XPNPEP1: variants seen among roughly 807,000 people sequenced by gnomAD.
XPNPEP1 encodes the protein xaa-Pro aminopeptidase 1.
In XPNPEP1, 39 loss-of-function variants were observed where a neutral mutation model predicts 92.4. The ratio of observed to expected loss-of-function variants is 0.42; its 90% CI spans 0.33 to 0.55. The LOEUF is 0.55. Among genes scored for constraint, XPNPEP1 ranks in the 20% least tolerant of loss-of-function variants. XPNPEP1 has a pLI of 0.08. For synonymous variants in XPNPEP1, 307 were observed against 299.4 expected (o/e 1.03, Z -0.26); for missense variants, 654 against 856.1 (o/e 0.76, Z 2.95).
At chr10:109,877,673 C>T (rs1296255163) in intron 14 of XPNPEP1, 117 bp downstream of exon 14, 2 of 1,248,762 alleles carry the variant, frequency 1.6e-6, no homozygotes, top group Non-Finnish European at 2.3e-6. Flanking sequence ...ATTTTACAGT[C>T]TCAACAGACA....
At chr10:109,888,698 T>A (rs1015347644) in intron 5 of XPNPEP1, 103 bp from the exon 6 acceptor site, 2 of 872,058 alleles carry the variant, frequency 2.3e-6, no homozygotes, top group Non-Finnish European at 1.6e-6. Flanking sequence ...AGGGTCTTTA[T>A]TAAGCAGCTT....
chr10:109,888,647 T>A, intron 5 of XPNPEP1, 52 bp from the exon 6 acceptor site: 2 of 1,410,592 alleles, frequency 1.4e-6, no homozygotes, highest in Non-Finnish European at 1.9e-6. Flanking sequence ...CCACGCTCAT[T>A]ATCCCACCAG....
intron 5 of XPNPEP1, among the ~76,000 whole-genome samples, chr10:109,890,840 G>A (rs991939609): frequency 2.0e-5 from 3 of 152,184 alleles, no homozygotes; most frequent in Non-Finnish European, 4.4e-5. Flanking sequence ...CTGGCTGCCT[G>A]GATCTCAAGG....
intron 3 of XPNPEP1, among the ~76,000 whole-genome samples, chr10:109,896,391 AC>A (rs918049163): frequency 2.8e-4 from 37 of 133,758 alleles, no homozygotes; most frequent in Admixed American, 2.3e-3. Flanking sequence ...CAATCCTCCC[AC>A]CTCAATCTTC....
intron 2 of XPNPEP1, among the ~76,000 whole-genome samples, chr10:109,912,215 T>C (rs966865238): frequency 6.6e-6 from 1 of 152,166 alleles, no homozygotes; most frequent in Non-Finnish European, 1.5e-5. Context: ...CACTCAACAC[T>C]TTCCCTCTTC....
intron 1 of XPNPEP1, 43 bp downstream of exon 1, chr10:109,923,359 C>G: frequency 7.0e-7 from 1 of 1,423,610 alleles, no homozygotes; most frequent in Non-Finnish European, 9.2e-7. Flanking sequence ...GCAGCGAGGG[C>G]TGCACGCTGC....
intron 10 of XPNPEP1, 100 bp from the exon 11 acceptor site, chr10:109,881,031 T>C: frequency 8.5e-7 from 1 of 1,179,022 alleles, no homozygotes. Flanking sequence ...TTTAGACAAA[T>C]CATTTGAAGA....
chr10:109,882,714 A>G (rs777518914), intron 9 of XPNPEP1, 72 bp from the exon 10 acceptor site: 18 of 1,507,780 alleles, frequency 1.2e-5, no homozygotes, highest in Non-Finnish European at 1.6e-5. Flanking sequence ...ACAGACACAC[A>G]TACACATCAG....
chr10:109,908,356 G>A (rs975550152), intron 2 of XPNPEP1, among the ~76,000 whole-genome samples: 1 of 152,254 alleles, frequency 6.6e-6, no homozygotes. Flanking sequence ...TTTAATTCCA[G>A]CACTTTGGGA....
intron 11 of XPNPEP1, among the ~76,000 whole-genome samples, chr10:109,880,616 A>G (rs2133393729): frequency 6.6e-6 from 1 of 152,340 alleles, no homozygotes; most frequent in Admixed American, 6.5e-5. Context: ...CATCATCTAC[A>G]CTGTGAACAT....
Position 109,917,209 on chromosome 10 carries a change from T to G in XPNPEP1, c.33-2110A>C, listed in dbSNP as rs369184316. On this transcript the variant is annotated intron_variant, in intron 1 of 20. Transcript: ENST00000502935. ...GAAGTAAAACTATCTCTATTTGCAATTGACATAATCTTGAATACAGAAAAT... is the reference window on the plus strand; with the variant it reads ...GAAGTAAAACTATCTCTATTTGCAAGTGACATAATCTTGAATACAGAAAAT... Among the ~76,000 whole-genome samples the G allele has an allele frequency of 2.0e-5, 3 of 152,118 alleles. No homozygotes were observed. The East Asian group carries it at 5.8e-4, about 29-fold the overall frequency.
chr10:109,911,321 T>C (rs1849858433), intron 2 of XPNPEP1, among the ~76,000 whole-genome samples: 2 of 152,158 alleles, frequency 1.3e-5, no homozygotes, highest in African/African-American at 4.8e-5. Context: ...CTTACTACAT[T>C]GTCCAGGCTG....
At chr10:109,912,601 G>A (rs2133552681) in intron 2 of XPNPEP1, among the ~76,000 whole-genome samples, 1 of 152,330 alleles carries the variant, frequency 6.6e-6, no homozygotes, top group Non-Finnish European at 1.5e-5. Context: ...CAAGATGGAG[G>A]AAGTGAAAGT....
intron 3 of XPNPEP1, among the ~76,000 whole-genome samples, chr10:109,903,180 T>C (rs944968): frequency 0.56 from 84,788 of 151,902 alleles, 26,156 homozygotes; most frequent in African/African-American, 0.8. Flanking sequence ...AAAACTGAAA[T>C]TGAAATACAA....
At chr10:109,886,389 A>T (rs623980) in intron 7 of XPNPEP1, 48 bp from the exon 8 acceptor site, 1 of 1,576,388 alleles carries the variant, frequency 6.3e-7, no homozygotes, top group Non-Finnish European at 8.7e-7. Flanking sequence ...CCCAGAAAGC[A>T]GTAGGAACCC....
chr10:109,881,136 T>C (rs576207537), intron 10 of XPNPEP1, among the ~76,000 whole-genome samples: 2 of 151,912 alleles, frequency 1.3e-5, no homozygotes, highest in African/African-American at 4.8e-5. Flanking sequence ...CCAAAAAGAG[T>C]AAGTACATCA....
chr10:109,874,430 T>G (rs1847661967), intron 15 of XPNPEP1, among the ~76,000 whole-genome samples: 1 of 152,242 alleles, frequency 6.6e-6, no homozygotes, highest in South Asian at 2.1e-4. Flanking sequence ...CACACTAGAC[T>G]ATATCCCTGA....
intron 20 of XPNPEP1, among the ~76,000 whole-genome samples, chr10:109,866,729 A>C (rs1440993499): frequency 2.0e-5 from 3 of 152,234 alleles, no homozygotes; most frequent in Non-Finnish European, 4.4e-5. Flanking sequence ...AACTCCCTAA[A>C]GTGACTCCAA....
intron 3 of XPNPEP1, among the ~76,000 whole-genome samples, chr10:109,900,061 A>T (rs1049703272): frequency 2.6e-5 from 4 of 152,256 alleles, no homozygotes; most frequent in African/African-American, 9.6e-5. Flanking sequence ...GAGTTTAAAA[A>T]GAAGAAACCC....
Sources: allele counts gnomAD v4.1 joint callset (sites outside exome capture counted in the v4.1 genomes callset), GRCh38; gene constraint gnomAD v4.1.1; transcripts MANE v1.5; gene names NCBI Gene and HGNC (gene_info 2026-07-23, HGNC 2026-07-21).